Variants in EPHA3 observed in about 807,000 individuals in gnomAD.
EPHA3 encodes ephrin type-A receptor 3.
Under a neutral mutation model 107.1 loss-of-function variants are expected in EPHA3, and 42 were observed. The ratio of observed to expected loss-of-function variants is 0.39; its 90% CI spans 0.31 to 0.51. The LOEUF is 0.51. Ranked by LOEUF, EPHA3 falls within the 20% of genes least tolerant of loss-of-function variation. EPHA3 has a pLI of 0.78. For missense variants in EPHA3, 1,183 were observed against 1,211.2 expected (o/e 0.98, Z 0.35); for synonymous variants, 461 against 424.8 (o/e 1.09, Z -1.05).
intron 2 of EPHA3, among the ~76,000 whole-genome samples, chr3:89,208,536 GAAAA>G (rs1208562105): frequency 7.2e-6 from 1 of 139,824 alleles, no homozygotes; most frequent in Non-Finnish European, 1.6e-5. Context: ...AAGAAAGAAA[GAAAA>G]AAAGAAAGAG....
intron 9 of EPHA3, 36 bp downstream of exon 9, chr3:89,408,167 C>T (rs765810762): frequency 6.3e-7 from 1 of 1,594,760 alleles, no homozygotes; most frequent in South Asian, 1.1e-5. Flanking sequence ...TTTTGCTTCA[C>T]CGTTTTAGCT....
chr3:89,220,632 G>A (rs1354202962), intron 3 of EPHA3, among the ~76,000 whole-genome samples: 3 of 152,140 alleles, frequency 2.0e-5, no homozygotes, highest in Admixed American at 2.0e-4. Context: ...AAACAGTTCA[G>A]ACAGCTGTTA....
intron 3 of EPHA3, among the ~76,000 whole-genome samples, chr3:89,272,324 A>G (rs1322426692): frequency 6.6e-6 from 1 of 151,624 alleles, no homozygotes; most frequent in Non-Finnish European, 1.5e-5. Flanking sequence ...AATAAATTCT[A>G]TTCTTTTTAA....
rs576092484 is a variant in EPHA3 at position 89,290,435 on chromosome 3, A to C, written c.815-50481A>C. On this transcript the variant is annotated intron_variant, in intron 3 of 16. Coordinates refer to ENST00000336596, the MANE Select transcript of EPHA3 (RefSeq NM_005233.6). The stretch of plus-strand genomic sequence containing the variant: ...ACATGCTTTTACACATGTAGCATAC[A>C]TCATATGGAAAGAATGGGTACCCTC... Among the ~76,000 whole-genome samples, 4 of 152,292 alleles carry C rather than the reference A, an allele frequency of 2.6e-5. No homozygotes were observed. The South Asian group carries it at 6.2e-4, about 24-fold the overall frequency.
chr3:89,439,723 G>GCACA (rs59868005), intron 13 of EPHA3, among the ~76,000 whole-genome samples: 1,356 of 133,290 alleles, frequency 0.01, 12 homozygotes, highest in African/African-American at 0.029. Flanking sequence ...TCATATTAAG[G>GCACA]CACACACACA....
chr3:89,269,159 T>C (rs1382246365), intron 3 of EPHA3, among the ~76,000 whole-genome samples: 1 of 152,168 alleles, frequency 6.6e-6, no homozygotes, highest in Non-Finnish European at 1.5e-5. Context: ...CAGTTTTAAG[T>C]GCCTTACGTG....
At chr3:89,238,045 A>G (rs1445761885) in intron 3 of EPHA3, among the ~76,000 whole-genome samples, 2 of 152,128 alleles carry the variant, frequency 1.3e-5, no homozygotes, top group Non-Finnish European at 2.9e-5. Context: ...GAAAAGATCA[A>G]TTGGCTCTCA....
chr3:89,119,121 C>T (rs984838239), intron 1 of EPHA3, among the ~76,000 whole-genome samples: 1 of 152,034 alleles, frequency 6.6e-6, no homozygotes, highest in Non-Finnish European at 1.5e-5. Context: ...ATAACAAAGA[C>T]ACACTTTTAA....
chr3:89,450,383 A>T lies in EPHA3; in HGVS notation c.2690+13A>T, dbSNP rs2107555602. The T allele has an allele frequency of 6.2e-7, 1 of 1,601,438 alleles. No homozygotes were observed. The highest frequency in any genetic ancestry group is 8.5e-7 in the Non-Finnish European group (1 of 1,172,334). On this transcript the variant is annotated intron_variant, in intron 15 of 16. Coordinates refer to ENST00000336596, the MANE Select transcript of EPHA3 (RefSeq NM_005233.6). Reference sequence around the variant, plus strand: ...GTGCAGCCGCAAGGTGACACATTCAATTTGTTATCTGGCATTCACTCTGAA... The same window carrying T: ...GTGCAGCCGCAAGGTGACACATTCATTTTGTTATCTGGCATTCACTCTGAA...
At position 89,271,270 on chromosome 3, in the gene EPHA3, A is replaced by T. The variant is rs554338383; in HGVS notation, c.814+60750A>T. Among the ~76,000 whole-genome samples the T allele has an allele frequency of 5.3e-5, 8 of 152,206 alleles. No homozygotes were observed. In the South Asian group the frequency reaches 1.5e-3, roughly 28 times the overall value. ...AGAAACCACAAGAAAAGCCGAAAAA[A>T]AGAAAACAAAGCTTAGCTAGAAATG... On this transcript the variant is annotated intron_variant, in intron 3 of 16. Coordinates refer to ENST00000336596, the MANE Select transcript of EPHA3 (RefSeq NM_005233.6).
chr3:89,232,018 C>A (rs930528242), intron 3 of EPHA3, among the ~76,000 whole-genome samples: 1 of 152,192 alleles, frequency 6.6e-6, no homozygotes, highest in East Asian at 1.9e-4. Context: ...ACACGAAGAT[C>A]TGAAGGGCAG....
At position 89,335,876 on chromosome 3, in the gene EPHA3, C is replaced by T. The variant is rs570234058; in HGVS notation, c.815-5040C>T. 2.6e-5 allele frequency among the ~76,000 whole-genome samples: 4 copies of T among 152,298 alleles called. No individual in the cohort carries two copies. In the South Asian group the frequency reaches 6.2e-4, roughly 24 times the overall value. ...GTTTGACTGACAAGAACATTTACTA[C>T]TGGATTACCTGAGGGAAGACGTAAA... is the stretch of plus-strand genomic sequence containing the variant. On this transcript the variant is annotated intron_variant, in intron 3 of 16. Coordinates refer to ENST00000336596, the MANE Select transcript of EPHA3 (RefSeq NM_005233.6).
At chr3:89,379,031 A>T (rs1708452875) in intron 5 of EPHA3, among the ~76,000 whole-genome samples, 1 of 152,000 alleles carries the variant, frequency 6.6e-6, no homozygotes, top group East Asian at 1.9e-4. Flanking sequence ...CTTCAGATAA[A>T]TTAATCCTGT....
chr3:89,226,946 A>T (rs1421484459), intron 3 of EPHA3, among the ~76,000 whole-genome samples: 1 of 152,074 alleles, frequency 6.6e-6, no homozygotes, highest in African/African-American at 2.4e-5. Flanking sequence ...AGGGATATAG[A>T]TGGTGATGTG....
In EPHA3 at chr3:89,134,751, G is replaced by A. The variant is rs142384084; in HGVS notation, c.153+7478G>A. ...AAATTTCTTGAACCACCACTGCACT[G>A]GACCTTCATTAGCAGTTCCTGAGCC... On this transcript the variant is annotated intron_variant, in intron 2 of 16. Coordinates refer to ENST00000336596, the MANE Select transcript of EPHA3 (RefSeq NM_005233.6). 3.5e-3 allele frequency among the ~76,000 whole-genome samples: 534 copies of A among 152,186 alleles called. 4 individuals carry two copies. Among genetic ancestry groups the A allele is most frequent in the African/African-American group, 0.012 (506 of 41,540 alleles).
chr3:89,117,566 C>T (rs1707286001), intron 1 of EPHA3, among the ~76,000 whole-genome samples: 1 of 152,040 alleles, frequency 6.6e-6, no homozygotes, highest in African/African-American at 2.4e-5. Context: ...AAGCAAAACA[C>T]CACTCACAGG....
chr3:89,203,060 G>C (rs982867787), intron 2 of EPHA3, among the ~76,000 whole-genome samples: 1 of 152,064 alleles, frequency 6.6e-6, no homozygotes, highest in Non-Finnish European at 1.5e-5. Context: ...ACAGAGACAG[G>C]GGAAGGACGA....
chr3:89,346,999 C>T (rs1384608481), intron 5 of EPHA3, among the ~76,000 whole-genome samples: 1 of 143,064 alleles, frequency 7.0e-6, no homozygotes, highest in African/African-American at 2.6e-5. Flanking sequence ...GTACCAGTAC[C>T]ATGCTGTTTT....
chr3:89,438,892 T>A (rs1249381209), intron 13 of EPHA3, among the ~76,000 whole-genome samples: 1 of 152,242 alleles, frequency 6.6e-6, no homozygotes, highest in African/African-American at 2.4e-5. Flanking sequence ...AGTCTAGTAC[T>A]TTCTACCCAT....
Sources: gnomAD v4.1 joint callset for allele counts (sites outside exome capture counted in the v4.1 genomes callset) on GRCh38, gnomAD v4.1.1 for gene constraint, MANE v1.5 for transcripts, NCBI Gene and HGNC (gene_info 2026-07-23, HGNC 2026-07-21) for gene names.